Variants in DLG2 observed in about 807,000 individuals in gnomAD.
DLG2 encodes the protein disks large homolog 2.
DLG2 carries 45 observed loss-of-function variants against 132.5 expected under a neutral mutation model. The observed-to-expected ratio is 0.34, with a 90% CI of 0.27 to 0.44. The LOEUF (loss-of-function observed/expected upper bound fraction) is 0.44, where lower values mean the gene tolerates loss of function less well. DLG2 is among the 20% of genes least tolerant of loss of function. DLG2 has a pLI of 1.00. For synonymous variants in DLG2, 424 were observed against 419.6 expected (o/e 1.01, Z -0.13); for missense variants, 1,045 against 1,196.9 (o/e 0.87, Z 1.87).
chr11:83,717,507 G>T (rs892431506), intron 18 of DLG2, among the ~76,000 whole-genome samples: 2 of 152,138 alleles, frequency 1.3e-5, no homozygotes, highest in African/African-American at 4.8e-5. Context: ...AGTAATAGTT[G>T]GGAAATGAGT....
chr11:84,492,113 T>G (rs1276295773), intron 7 of DLG2, among the ~76,000 whole-genome samples: 1 of 152,100 alleles, frequency 6.6e-6, no homozygotes, highest in East Asian at 1.9e-4. Flanking sequence ...ATGAGAGATA[T>G]AAATTTAAGA....
At chr11:85,305,089 G>C (rs893430004) in intron 3 of DLG2, among the ~76,000 whole-genome samples, 3 of 152,200 alleles carry the variant, frequency 2.0e-5, no homozygotes, top group Non-Finnish European at 4.4e-5. Flanking sequence ...AGGGAATAGA[G>C]TAAGGGATTA....
chr11:85,093,623 G>A (rs1411282372), intron 6 of DLG2, among the ~76,000 whole-genome samples: 1 of 152,194 alleles, frequency 6.6e-6, no homozygotes, highest in African/African-American at 2.4e-5. Context: ...GTCTTACCTG[G>A]TGACAGGTGA....
intron 6 of DLG2, among the ~76,000 whole-genome samples, chr11:84,591,261 G>T (rs970469147): frequency 6.6e-6 from 1 of 150,838 alleles, no homozygotes; most frequent in Non-Finnish European, 1.5e-5. Flanking sequence ...GTGTGTGCGC[G>T]TCTTTCTCCA....
At chr11:85,601,271 G>C (rs547598251) in intron 2 of DLG2, among the ~76,000 whole-genome samples, 2 of 152,058 alleles carry the variant, frequency 1.3e-5, no homozygotes, top group African/African-American at 4.8e-5. Flanking sequence ...ACCTCCCAAA[G>C]TGCTGGGATT....
Position 85,520,041 on chromosome 11 carries a change from A to ATT in DLG2, c.40+78614_40+78615dup, listed in dbSNP as rs112483358. Among the ~76,000 whole-genome samples the ATT allele has an allele frequency of 2.2e-4, 33 of 147,336 alleles. 1 individual carries two copies. The highest frequency in any genetic ancestry group is 5.0e-4 in the African/African-American group (20 of 40,216). On this transcript the variant is annotated intron_variant, in intron 3 of 27. Coordinates refer to ENST00000376104, the MANE Select transcript of DLG2 (RefSeq NM_001142699.3). ...GAAAGTGGACTAATGCACCTGGCTA[A>ATT]TTTTTTTTTTTTTATATTTGGTGGA...
intron 3 of DLG2, among the ~76,000 whole-genome samples, chr11:85,420,969 G>A (rs938768763): frequency 2.6e-5 from 4 of 152,040 alleles, no homozygotes; most frequent in African/African-American, 9.7e-5. Flanking sequence ...GGCATTCCAG[G>A]TGCCATTGGG....
At chr11:83,498,818 C>T in intron 21 of DLG2, among the ~76,000 whole-genome samples, 1 of 149,418 alleles carries the variant, frequency 6.7e-6, no homozygotes, top group Non-Finnish European at 1.5e-5. Flanking sequence ...TTAACCTTAG[C>T]TAGACTGACC....
At chr11:84,770,356 T>C (rs189844411) in intron 6 of DLG2, among the ~76,000 whole-genome samples, 1,647 of 152,316 alleles carry the variant, frequency 0.011, 10 homozygotes, top group Non-Finnish European at 0.017. Flanking sequence ...AGGTTTGTTA[T>C]ATAGGTAAAC....
At chr11:83,791,663 G>C in intron 17 of DLG2, 1 of 322,246 alleles carries the variant, frequency 3.1e-6, no homozygotes, top group Non-Finnish European at 5.8e-6. Flanking sequence ...GCCGGGCGCG[G>C]TGGCTCACGC....
At chr11:85,442,894 G>A (rs981695312) in intron 3 of DLG2, among the ~76,000 whole-genome samples, 1 of 151,234 alleles carries the variant, frequency 6.6e-6, no homozygotes, top group Non-Finnish European at 1.5e-5. Flanking sequence ...AAGGAAGAAG[G>A]AAGAAGAAGA....
chr11:84,948,052 A>G (rs1470066651), intron 6 of DLG2, among the ~76,000 whole-genome samples: 1 of 152,222 alleles, frequency 6.6e-6, no homozygotes, highest in Non-Finnish European at 1.5e-5. Flanking sequence ...TACCTTTTGT[A>G]TCAGAGTTTT....
chr11:83,560,674 C>G (rs2096595725), intron 19 of DLG2, among the ~76,000 whole-genome samples: 1 of 152,216 alleles, frequency 6.6e-6, no homozygotes, highest in South Asian at 2.1e-4. Flanking sequence ...TGTCCAATTT[C>G]TGCACCTTAA....
At chr11:85,263,506 A>G (rs1181255608) in intron 4 of DLG2, among the ~76,000 whole-genome samples, 1 of 152,226 alleles carries the variant, frequency 6.6e-6, no homozygotes, top group Non-Finnish European at 1.5e-5. Flanking sequence ...CCTTCTGGGC[A>G]AGACAGCAAA....
chr11:84,809,810 T>C (rs1264791211), intron 6 of DLG2, among the ~76,000 whole-genome samples: 2 of 151,996 alleles, frequency 1.3e-5, no homozygotes, highest in Non-Finnish European at 2.9e-5. Context: ...AATTTAAGAA[T>C]GAAGTGAGAG....
At chr11:83,952,156 C>T (rs2085615299) in intron 14 of DLG2, among the ~76,000 whole-genome samples, 1 of 151,956 alleles carries the variant, frequency 6.6e-6, no homozygotes, top group Non-Finnish European at 1.5e-5. Flanking sequence ...GACTAGCCTG[C>T]CCAACATGGT....
At chr11:84,489,602 T>A (rs1196461904) in intron 7 of DLG2, among the ~76,000 whole-genome samples, 1 of 152,098 alleles carries the variant, frequency 6.6e-6, no homozygotes, top group Non-Finnish European at 1.5e-5. Flanking sequence ...TTTATGTCAG[T>A]TGGCCTTCAT....
At chr11:84,875,434 A>G (rs769784263) in intron 6 of DLG2, among the ~76,000 whole-genome samples, 3 of 151,992 alleles carry the variant, frequency 2.0e-5, no homozygotes, top group Non-Finnish European at 2.9e-5. Context: ...ACACATGGAC[A>G]TGACTAAACA....
In DLG2 at chr11:85,495,969, C is replaced by G. The variant is rs553584228; in HGVS notation, c.40+102688G>C. Among the ~76,000 whole-genome samples, 20 of 152,296 alleles carry G rather than the reference C, an allele frequency of 1.3e-4. 1 individual carries two copies. The highest frequency in any genetic ancestry group is 3.8e-4 in the African/African-American group (16 of 41,578). Reference sequence around the variant, plus strand: ...AAACAGGAAGAGCTCAGCTCTACAGCTCCCAGTGAGATCGACGCAGAAGAC... The same window carrying G: ...AAACAGGAAGAGCTCAGCTCTACAGGTCCCAGTGAGATCGACGCAGAAGAC... On this transcript the variant is annotated intron_variant, in intron 3 of 27. Coordinates refer to ENST00000376104, the MANE Select transcript of DLG2 (RefSeq NM_001142699.3).
Sources: allele counts gnomAD v4.1 joint callset (sites outside exome capture counted in the v4.1 genomes callset), GRCh38; gene constraint gnomAD v4.1.1; transcripts MANE v1.5; gene names NCBI Gene and HGNC (gene_info 2026-07-23, HGNC 2026-07-21).